The following TRAPPC8 variants were observed in gnomAD, a reference collection of about 807,000 sequenced individuals.
TRAPPC8 encodes general sporulation gene 1 homolog.
Under a neutral mutation model 174.3 loss-of-function variants are expected in TRAPPC8, and 54 were observed. The observed-to-expected ratio is 0.31, with a 90% CI of 0.25 to 0.39. TRAPPC8 has a LOEUF of 0.39. TRAPPC8 is among the 10% of genes least tolerant of loss of function. The pLI is 1.00. For missense variants in TRAPPC8, 1,531 were observed against 1,699.1 expected (o/e 0.90, Z 1.74); for synonymous variants, 630 against 579.9 (o/e 1.09, Z -1.24).
intron 28 of TRAPPC8, among the ~76,000 whole-genome samples, chr18:31,831,224 G>A (rs893717859): frequency 3.3e-5 from 5 of 152,034 alleles, no homozygotes; most frequent in Admixed American, 1.3e-4. Flanking sequence ...GGTGGTGCAC[G>A]CCTGTAATCC....
At chr18:31,832,811 G>C (rs1187879874) in intron 27 of TRAPPC8, among the ~76,000 whole-genome samples, 1 of 152,008 alleles carries the variant, frequency 6.6e-6, no homozygotes, top group Non-Finnish European at 1.5e-5. Context: ...AAGAATGCAA[G>C]AAATGAATAT....
chr18:31,907,493 A>G lies in TRAPPC8; in HGVS notation c.1356T>C (p.Asn452=), dbSNP rs747807455. 1 of 1,602,962 alleles carries G rather than the reference A, an allele frequency of 6.2e-7. No individual in the cohort carries two copies. Among genetic ancestry groups the G allele is most frequent in the Non-Finnish European group, 8.5e-7 (1 of 1,173,292 alleles). The change falls in exon 9 of 29, where the codon AAT becomes AAC. Residue 452 remains asparagine, a synonymous_variant. Transcript: ENST00000283351. ...CYHTAKKDFL[N]DQAMLYAAGA... ...CAGCTGCATAAAGCATTGCTTGATC[A>G]TTAAGAAAATCTTTCTTTGCAGTAT...
chr18:31,935,061 T>A (rs1469904607), intron 1 of TRAPPC8, among the ~76,000 whole-genome samples: 1 of 151,838 alleles, frequency 6.6e-6, no homozygotes, highest in African/African-American at 2.4e-5. Context: ...GAAAACAGGC[T>A]AGGCCGGGCG....
At position 31,832,069 on chromosome 18, in the gene TRAPPC8, T is replaced by A; in HGVS notation, c.4073+15A>T. 6.6e-7 allele frequency: 1 copy of A among 1,506,518 alleles called. No individual in the cohort carries two copies. Among genetic ancestry groups the A allele is most frequent in the Non-Finnish European group, 8.9e-7 (1 of 1,123,872 alleles). The allele number at this position is 1,506,518 out of a possible 1,614,324, so 93.3% of individuals were successfully genotyped here. A position where few individuals can be genotyped will look rare whatever the true frequency, so the allele number is the denominator to read the frequency against. On this transcript the variant is annotated intron_variant, in intron 28 of 28. Coordinates refer to ENST00000283351, the MANE Select transcript of TRAPPC8 (RefSeq NM_014939.5). ...GCTCCCAAATCAAATAACCTTGCACTAAACAAATCTTTACCTTGTTGTTTT... is the reference window on the plus strand; with the variant it reads ...GCTCCCAAATCAAATAACCTTGCACAAAACAAATCTTTACCTTGTTGTTTT...
chr18:31,925,486 A>C (rs1344785345), intron 2 of TRAPPC8, among the ~76,000 whole-genome samples: 3 of 152,170 alleles, frequency 2.0e-5, no homozygotes, highest in African/African-American at 7.2e-5. Context: ...AGAGATAGAC[A>C]ATTTTAGAAA....
chr18:31,847,503 C>CA (rs2033471266), intron 25 of TRAPPC8, among the ~76,000 whole-genome samples: 2 of 152,054 alleles, frequency 1.3e-5, no homozygotes, highest in African/African-American at 4.8e-5. Flanking sequence ...CTGTTAGGTT[C>CA]AAAAAACATA....
chr18:31,876,769 T>A (rs972504955), intron 12 of TRAPPC8, among the ~76,000 whole-genome samples: 1 of 151,808 alleles, frequency 6.6e-6, no homozygotes, highest in Non-Finnish European at 1.5e-5. Flanking sequence ...CTGTTCACCA[T>A]CCAACTGATG....
intron 20 of TRAPPC8, 54 bp from the exon 21 acceptor site, chr18:31,855,861 T>C: frequency 6.5e-7 from 1 of 1,527,628 alleles, no homozygotes; most frequent in Non-Finnish European, 8.8e-7. Flanking sequence ...CTCTATGTTA[T>C]AATTATCTAA....
intron 26 of TRAPPC8, among the ~76,000 whole-genome samples, chr18:31,840,310 T>C (rs1481298283): frequency 6.6e-6 from 1 of 150,954 alleles, no homozygotes; most frequent in Non-Finnish European, 1.5e-5. Context: ...TGAGCCGAGA[T>C]TGCACCACTG....
chr18:31,856,491 G>C (rs2034022306), intron 20 of TRAPPC8, among the ~76,000 whole-genome samples: 1 of 151,858 alleles, frequency 6.6e-6, no homozygotes, highest in Non-Finnish European at 1.5e-5. Context: ...CTCCCAAAGT[G>C]CTGGGGTTAT....
At chr18:31,852,819 G>T in intron 22 of TRAPPC8, 156 bp from the exon 23 acceptor site, 1 of 658,884 alleles carries the variant, frequency 1.5e-6, no homozygotes, top group Non-Finnish European at 2.6e-6. Context: ...TCAATGAAAT[G>T]ACCTCTTAAA....
At chr18:31,880,121 A>ATATATTT (rs1239258266) in intron 12 of TRAPPC8, among the ~76,000 whole-genome samples, 3 of 69,058 alleles carry the variant, frequency 4.3e-5, no homozygotes, top group African/African-American at 1.8e-4. Flanking sequence ...ATATATATAT[A>ATATATTT]TTTTTTTTTT....
At chr18:31,847,579 G>T (rs2033475671) in intron 25 of TRAPPC8, among the ~76,000 whole-genome samples, 1 of 152,112 alleles carries the variant, frequency 6.6e-6, no homozygotes, top group Non-Finnish European at 1.5e-5. Flanking sequence ...TACTTATAAT[G>T]GACTAATGAC....
intron 1 of TRAPPC8, among the ~76,000 whole-genome samples, chr18:31,934,222 G>C (rs1174404173): frequency 2.6e-5 from 4 of 151,800 alleles, no homozygotes; most frequent in Non-Finnish European, 2.9e-5. Flanking sequence ...TATGATAGTG[G>C]TTGCCTATAA....
At chr18:31,863,085 A>T (rs1232275188) in intron 19 of TRAPPC8, among the ~76,000 whole-genome samples, 1 of 151,630 alleles carries the variant, frequency 6.6e-6, no homozygotes, top group Non-Finnish European at 1.5e-5. Context: ...TAAGCAGGCA[A>T]TCATATGGAC....
intron 11 of TRAPPC8, among the ~76,000 whole-genome samples, chr18:31,892,348 TGG>T (rs2035990802): frequency 6.6e-6 from 1 of 152,228 alleles, no homozygotes; most frequent in Non-Finnish European, 1.5e-5. Context: ...GGTATTTATA[TGG>T]AGTACCTTGC....
At chr18:31,933,020 A>AAAAAAAAAAAAAG (rs1568153937) in intron 1 of TRAPPC8, among the ~76,000 whole-genome samples, 1 of 128,878 alleles carries the variant, frequency 7.8e-6, no homozygotes, top group African/African-American at 3.1e-5. Flanking sequence ...AAAAAAAAAA[A>AAAAAAAAAAAAAG]GCCGGGCGCA....
intron 9 of TRAPPC8, among the ~76,000 whole-genome samples, chr18:31,905,668 G>C (rs1273826875): frequency 6.6e-6 from 1 of 152,184 alleles, no homozygotes; most frequent in Non-Finnish European, 1.5e-5. Context: ...TAGGTTTCAA[G>C]AAGACTAACC....
In TRAPPC8 at chr18:31,874,815, G is replaced by A. The variant is rs2035063536; in HGVS notation, c.1729-111C>T. 3 of 820,386 alleles carry A rather than the reference G, an allele frequency of 3.7e-6. No individual in the cohort carries two copies. The South Asian group carries it at 5.5e-5, about 15-fold the overall frequency. The allele number at this position is 820,386 out of a possible 1,614,324, so 50.8% of individuals were successfully genotyped here. A position where few individuals can be genotyped will look rare whatever the true frequency, so the allele number is the denominator to read the frequency against. ...ATTAAGTAACTGGTTCTTCCTCTAA[G>A]GGGGACTGGGATAATGAAGAAAATA... On this transcript the variant is annotated intron_variant, in intron 12 of 28. Coordinates refer to ENST00000283351, the MANE Select transcript of TRAPPC8 (RefSeq NM_014939.5).
Sources: gnomAD v4.1 joint callset for allele counts (sites outside exome capture counted in the v4.1 genomes callset) on GRCh38, gnomAD v4.1.1 for gene constraint, MANE v1.5 for transcripts, NCBI Gene and HGNC (gene_info 2026-07-23, HGNC 2026-07-21) for gene names.